SEL1L2: variants seen among roughly 807,000 people sequenced by gnomAD.
SEL1L2 encodes the protein protein sel-1 homolog 2.
SEL1L2 carries 89 observed loss-of-function variants against 98.8 expected under a neutral mutation model. The ratio of observed to expected loss-of-function variants is 0.90; its 90% CI spans 0.76 to 1.07. The LOEUF is 1.07. Ranked by LOEUF, SEL1L2 falls within the 50% of genes least tolerant of loss-of-function variation. SEL1L2 has a pLI of 0.00. For missense variants in SEL1L2, 788 were observed against 812.0 expected (o/e 0.97, Z 0.36); for synonymous variants, 262 against 278.5 (o/e 0.94, Z 0.59).
intron 1 of SEL1L2, among the ~76,000 whole-genome samples, chr20:13,958,780 CAA>C (rs997188601): frequency 1.2e-4 from 17 of 137,588 alleles, no homozygotes; most frequent in African/African-American, 2.9e-4. Flanking sequence ...ACTAAAAATA[CAA>C]AAAAAAAAAA....
intron 6 of SEL1L2, 88 bp downstream of exon 6, chr20:13,888,371 G>T: frequency 2.4e-6 from 2 of 836,508 alleles, no homozygotes; most frequent in Non-Finnish European, 3.9e-6. Flanking sequence ...ACACTAGAGT[G>T]AGCCCCTTTA....
intron 1 of SEL1L2, among the ~76,000 whole-genome samples, chr20:13,971,520 G>A (rs2051282791): frequency 1.3e-5 from 2 of 152,092 alleles, no homozygotes; most frequent in African/African-American, 4.8e-5. Context: ...TCACCTCCCA[G>A]GCTCAAGCAA....
chr20:13,894,898 G>A (rs79836204), intron 5 of SEL1L2, among the ~76,000 whole-genome samples: 3,049 of 152,254 alleles, frequency 0.02, 49 homozygotes, highest in Non-Finnish European at 0.03. Context: ...CTTCACTAGA[G>A]AATTCTACGA....
intron 1 of SEL1L2, among the ~76,000 whole-genome samples, chr20:13,965,868 G>A (rs1424937859): frequency 1.2e-4 from 18 of 150,718 alleles, no homozygotes; most frequent in African/African-American, 4.2e-4. Context: ...CAGGAGAATC[G>A]CTTGAACCTG....
intron 5 of SEL1L2, among the ~76,000 whole-genome samples, chr20:13,908,100 GTTCTTTTTTT>G (rs2048049018): frequency 1.6e-5 from 1 of 64,136 alleles, no homozygotes; most frequent in Admixed American, 2.1e-4. Flanking sequence ...CAATTTCTTG[GTTCTTTTTTT>G]TTTTTTTTTT....
chr20:13,866,624 C>T, intron 15 of SEL1L2, 78 bp downstream of exon 15: 1 of 1,175,644 alleles, frequency 8.5e-7, no homozygotes, highest in Non-Finnish European at 1.1e-6. Context: ...TCAAAGACAC[C>T]AACAATTTAA....
At chr20:13,864,804 G>C (rs2147808438) in intron 17 of SEL1L2, among the ~76,000 whole-genome samples, 1 of 152,170 alleles carries the variant, frequency 6.6e-6, no homozygotes, top group Admixed American at 6.5e-5. Context: ...TTGAGACATG[G>C]GTCATGTCTC....
chr20:13,851,572 C>T (rs75778159), intron 18 of SEL1L2, among the ~76,000 whole-genome samples: 1 of 150,038 alleles, frequency 6.7e-6, no homozygotes, highest in African/African-American at 2.5e-5. Flanking sequence ...TATGCCATGG[C>T]TTTTTTTTTC....
At chr20:13,984,795 T>A (rs887097819) in intron 1 of SEL1L2, among the ~76,000 whole-genome samples, 8 of 152,104 alleles carry the variant, frequency 5.3e-5, no homozygotes, top group African/African-American at 1.4e-4. Context: ...GCTTTTAAAT[T>A]TTTTTTGCTT....
intron 2 of SEL1L2, among the ~76,000 whole-genome samples, chr20:13,938,546 CAT>C (rs965310483): frequency 6.6e-6 from 1 of 152,142 alleles, no homozygotes; most frequent in African/African-American, 2.4e-5. Flanking sequence ...TACATGTTAA[CAT>C]ATAAACATAT....
chr20:13,977,483 T>TG (rs1230131907), intron 1 of SEL1L2, among the ~76,000 whole-genome samples: 2 of 152,088 alleles, frequency 1.3e-5, no homozygotes, highest in Non-Finnish European at 2.9e-5. Context: ...TTTCAATTGA[T>TG]GGGGGGATAG....
chr20:13,896,770 CAAT>C (rs1032452001), intron 5 of SEL1L2, among the ~76,000 whole-genome samples: 1 of 152,038 alleles, frequency 6.6e-6, no homozygotes, highest in African/African-American at 2.4e-5. Flanking sequence ...AGATACAAAT[CAAT>C]AAGAAGACAG....
chr20:13,865,248 AGAG>A lies in SEL1L2; in HGVS notation c.1571-10_1571-8del. The A allele has an allele frequency of 6.2e-7, 1 of 1,613,234 alleles. No homozygotes were observed. The highest frequency in any genetic ancestry group is 8.5e-7 in the Non-Finnish European group (1 of 1,179,228). On this transcript the variant is annotated splice_polypyrimidine_tract_variant and splice_region_variant and intron_variant, in intron 16 of 19. Transcript: ENST00000284951. ...TCAAGAATGTTAGCCTTTTCTAAAA[AGAG>A]GAGACATTCCATTAGGAAGGCTTAA...
intron 18 of SEL1L2, among the ~76,000 whole-genome samples, chr20:13,858,434 C>T (rs528443086): frequency 2.0e-5 from 3 of 152,200 alleles, no homozygotes; most frequent in Admixed American, 6.5e-5. Flanking sequence ...TGACGAGCTC[C>T]GCAAGCTGGT....
In SEL1L2 at chr20:13,859,267, T is replaced by C. The variant is rs764224370; in HGVS notation, c.1813A>G (p.Thr605Ala). Reference sequence around the variant, plus strand: ...ATTATTACCAGCAAAATTACCTTTGTGATGCCTAAGCCGTGTTCATACATA... The same window carrying C: ...ATTATTACCAGCAAAATTACCTTTGCGATGCCTAAGCCGTGTTCATACATA... ...AYMYEHGLGI[T>A]KDIHLARRLY... Residue 605 changes from threonine to alanine, a missense_variant, in exon 18 of 20, where the codon ACA becomes GCA. Coordinates refer to ENST00000284951, the MANE Select transcript of SEL1L2 (RefSeq NM_025229.2). The C allele has an allele frequency of 6.2e-6, 10 of 1,613,942 alleles. No individual in the cohort carries two copies. The highest frequency in any genetic ancestry group is 8.5e-6 in the Non-Finnish European group (10 of 1,179,902).
At chr20:13,914,033 C>A in intron 4 of SEL1L2, 89 bp from the exon 5 acceptor site, 1 of 1,146,486 alleles carries the variant, frequency 8.7e-7, no homozygotes, top group South Asian at 1.6e-5. Context: ...TTCTCTCTAA[C>A]AAGCAGGAAC....
At chr20:13,978,850 G>A (rs1385953956) in intron 1 of SEL1L2, among the ~76,000 whole-genome samples, 4 of 152,126 alleles carry the variant, frequency 2.6e-5, no homozygotes, top group African/African-American at 9.7e-5. Context: ...CTTGAGGTCC[G>A]GAGTTTGAGA....
rs753636072 is a variant in SEL1L2, at chr20:13,877,561, C to T, written c.985G>A (p.Ala329Thr). The T allele has an allele frequency of 4.3e-6, 7 of 1,613,100 alleles. No individual in the cohort carries two copies. The East Asian group carries it at 8.9e-5, about 21-fold the overall frequency. Residue 329 changes from alanine to threonine, a missense_variant, in exon 11 of 20, where the codon GCA becomes ACA. Physicochemically the swap from Ala to Thr is moderately conservative, Grantham distance 58. Transcript: ENST00000284951. ...ATGGCATTTGCACTCCCGGCCTTTG[C>T]TGCCTTTAAGAAGTAGTGTAATGCT... ...YKALHYFLKA[A>T]KAGSANAMAF... is the part of the protein sequence containing the mutation.
At chr20:13,874,119 C>T (rs1209928366) in intron 12 of SEL1L2, among the ~76,000 whole-genome samples, 5 of 152,026 alleles carry the variant, frequency 3.3e-5, no homozygotes, top group African/African-American at 4.8e-5. Context: ...GAGATGGGGA[C>T]GGGCCTGACA....
Sources: allele counts gnomAD v4.1 joint callset (sites outside exome capture counted in the v4.1 genomes callset), GRCh38; gene constraint gnomAD v4.1.1; transcripts MANE v1.5; gene names NCBI Gene and HGNC (gene_info 2026-07-23, HGNC 2026-07-21).